Variants in PRDM15 observed in about 807,000 individuals in gnomAD.
The protein encoded by PRDM15 is PR/SET domain 15, also known as PR domain zinc finger protein 15.
A neutral mutation model predicts 128.6 loss-of-function variants in PRDM15; 64 were observed. The ratio of observed to expected loss-of-function variants is 0.50; its 90% CI spans 0.41 to 0.61. The LOEUF (loss-of-function observed/expected upper bound fraction) is 0.61, where lower values mean the gene tolerates loss of function less well. Ranked by LOEUF, PRDM15 falls within the 20% of genes least tolerant of loss-of-function variation. The pLI, the probability that PRDM15 is intolerant of heterozygous loss-of-function variation, is 0.00. For missense variants in PRDM15, 1,242 were observed against 1,569.1 expected (o/e 0.79, Z 3.52); for synonymous variants, 615 against 621.8 (o/e 0.99, Z 0.16).
chr21:41,807,438 G>T (rs1030739860), intron 21 of PRDM15, among the ~76,000 whole-genome samples: 26 of 152,120 alleles, frequency 1.7e-4, no homozygotes, highest in African/African-American at 6.3e-4. Context: ...ATCACCAACG[G>T]GGACAGGCTC....
At chr21:41,877,716 T>C (rs933868702) in intron 1 of PRDM15, 1 of 152,252 alleles carries the variant, frequency 6.6e-6, no homozygotes, top group African/African-American at 2.4e-5. Context: ...TAAGACAAGC[T>C]AGCAGCCTTC....
intron 5 of PRDM15, among the ~76,000 whole-genome samples, chr21:41,853,443 T>A (rs2063488207): frequency 6.6e-6 from 1 of 152,198 alleles, no homozygotes; most frequent in African/African-American, 2.4e-5. Flanking sequence ...GCAAAGAATC[T>A]TCATGGCAAC....
chr21:41,866,284 T>G (rs1229502071), intron 1 of PRDM15, among the ~76,000 whole-genome samples: 2 of 152,258 alleles, frequency 1.3e-5, no homozygotes, highest in African/African-American at 4.8e-5. Context: ...CACTAAGATC[T>G]GGAGGAGAAA....
In PRDM15 at chr21:41,861,981, C is replaced by T. The variant is rs201042650; in HGVS notation, c.-9-1609G>A. 221 of 1,613,352 alleles carry T rather than the reference C, an allele frequency of 1.4e-4. No individual in the cohort carries two copies. Among genetic ancestry groups the T allele is most frequent in the East Asian group, 8.7e-4 (39 of 44,892 alleles). ...AGCAAGTGTGACTCAGTTTCATAGC[C>T]GCATTCGGCCTTGCCTGCCCCAGTT... On this transcript the variant is annotated intron_variant, in intron 1 of 23. Transcript: ENST00000398548.
chr21:41,858,663 G>A (rs1017504457), intron 3 of PRDM15, among the ~76,000 whole-genome samples: 2 of 152,364 alleles, frequency 1.3e-5, no homozygotes, highest in East Asian at 3.9e-4. Context: ...AGGCCGCTGA[G>A]ACAAGGAGCC....
In PRDM15 at chr21:41,879,158, C is replaced by CG; in HGVS notation, c.-10+111dup. On this transcript the variant is annotated intron_variant, in intron 1 of 23. Coordinates refer to ENST00000398548, the MANE Select transcript of PRDM15 (RefSeq NM_001040424.3). This position sits in a 1 kb window ranked among gnomAD's most constrained non-coding sequence, Gnocchi z 5.1. The stretch of plus-strand genomic sequence containing the variant: ...GCGCGCGGCTGCCGGGCGCGGGGGG[C>CG]GGGGGGCAGCGGGCCCAGGGCGCGC... 1 of 782,688 alleles carries CG rather than the reference C, an allele frequency of 1.3e-6. No homozygotes were observed. Among genetic ancestry groups the CG allele is most frequent in the Non-Finnish European group, 1.5e-6 (1 of 654,588 alleles). The allele number at this position is 782,688 out of a possible 1,614,324, so 48.5% of individuals were successfully genotyped here. A position where few individuals can be genotyped will look rare whatever the true frequency, so the allele number is the denominator to read the frequency against.
In PRDM15 at chr21:41,815,698, G is replaced by A; in HGVS notation, c.2392+7C>T. 1 of 1,612,726 alleles carries A rather than the reference G, an allele frequency of 6.2e-7. No homozygotes were observed. On this transcript the variant is annotated splice_region_variant and intron_variant, in intron 19 of 23. Transcript: ENST00000398548. ...CGTGGCTGGCGCGGCCCGGGCCTCGGACTCACCCGTGTGCCGCTTGCAGTG... is the reference window on the plus strand; with the variant it reads ...CGTGGCTGGCGCGGCCCGGGCCTCGAACTCACCCGTGTGCCGCTTGCAGTG...
Position 41,806,706 on chromosome 21 carries a change from T to C in PRDM15, c.2653-2092A>G, listed in dbSNP as rs1384346460. Among the ~76,000 whole-genome samples, 24 of 38,592 alleles carry C rather than the reference T, an allele frequency of 6.2e-4. 1 individual carries two copies. The highest frequency in any genetic ancestry group is 2.5e-3 in the African/African-American group (20 of 8,160). The allele number at this position is 38,592 out of a possible 152,430, so 25.3% of individuals were successfully genotyped here. A position where few individuals can be genotyped will look rare whatever the true frequency, so the allele number is the denominator to read the frequency against. On this transcript the variant is annotated intron_variant, in intron 21 of 23. Coordinates refer to ENST00000398548, the MANE Select transcript of PRDM15 (RefSeq NM_001040424.3). ...CACCATCACCACCACCACCCATCAC[T>C]ACCACCAACATCACCACCATCACCA...
chr21:41,867,501 AG>A, intron 1 of PRDM15: 1 of 712,064 alleles, frequency 1.4e-6, no homozygotes, highest in Non-Finnish European at 2.3e-6. Context: ...GGTTTTTCAC[AG>A]GCGTGAACAT....
chr21:41,823,205 G>T, intron 14 of PRDM15, 113 bp downstream of exon 14: 2 of 1,351,060 alleles, frequency 1.5e-6, no homozygotes, highest in Non-Finnish European at 2.0e-6. Context: ...AGCAGCACAT[G>T]TCTGCCCAGA....
At position 41,798,955 on chromosome 21, in the gene PRDM15, G is replaced by C. The variant is rs1315629841; in HGVS notation, c.*2285C>G. The C allele has an allele frequency of 6.6e-6, 1 of 152,140 alleles. No homozygotes were observed. The allele number at this position is 152,140 out of a possible 1,614,324, so 9.4% of individuals were successfully genotyped here. A position where few individuals can be genotyped will look rare whatever the true frequency, so the allele number is the denominator to read the frequency against. ...GACCACGTATGTTTACAGAAAACTT[G>C]GGAGTTTGATTTTTCTTTAGAGTTC... On this transcript the variant is annotated 3_prime_UTR_variant, in exon 24 of 24. Coordinates refer to ENST00000398548, the MANE Select transcript of PRDM15 (RefSeq NM_001040424.3).
chr21:41,801,392 C>G lies in PRDM15; in HGVS notation c.3274G>C (p.Gly1092Arg), dbSNP rs767941572. Residue 1092 changes from glycine to arginine, a missense_variant, in exon 24 of 24, where the codon GGG becomes CGG. Transcript: ENST00000398548. ...GGGTGCTGGTCACTAAGCTGGCTCC[C>G]CAGGGGCGTGATGGAGTTGACCAGG... ...TTLVNSITPL[G>R]SQLSDQHPLT... 1 of 1,613,296 alleles carries G rather than the reference C, an allele frequency of 6.2e-7. No individual in the cohort carries two copies. Among genetic ancestry groups the G allele is most frequent in the African/African-American group, 1.3e-5 (1 of 74,898 alleles).
chr21:41,821,279 G>A lies in PRDM15; in HGVS notation c.1897-49C>T, dbSNP rs1363389037. 4.4e-6 allele frequency: 7 copies of A among 1,608,546 alleles called. No individual in the cohort carries two copies. The highest frequency in any genetic ancestry group is 5.9e-6 in the Non-Finnish European group (7 of 1,177,264). ...CTGCTGACACCCGCATGAGGTCCCT[G>A]GTCCTCTTAGCTAATGAGGTCGTGT... On this transcript the variant is annotated intron_variant, in intron 15 of 23. Transcript: ENST00000398548. This position sits in a 1 kb window ranked among gnomAD's most constrained non-coding sequence, Gnocchi z 5.4.
intron 6 of PRDM15, among the ~76,000 whole-genome samples, chr21:41,842,780 C>T (rs1219934057): frequency 2.1e-5 from 3 of 142,992 alleles, no homozygotes; most frequent in Non-Finnish European, 3.0e-5. Flanking sequence ...TGAGCCACTA[C>T]GCCTGGCCTT....
intron 1 of PRDM15, among the ~76,000 whole-genome samples, chr21:41,874,163 A>G (rs1425919609): frequency 6.6e-6 from 1 of 151,850 alleles, no homozygotes; most frequent in Non-Finnish European, 1.5e-5. Flanking sequence ...CTTAATTTAA[A>G]AAAAAAAGGG....
At chr21:41,874,640 A>G (rs2064346125) in intron 1 of PRDM15, 1 of 151,496 alleles carries the variant, frequency 6.6e-6, no homozygotes, top group Non-Finnish European at 1.5e-5. Flanking sequence ...TTAAAAGTCC[A>G]ACCGCATTTG....
At chr21:41,873,838 A>C (rs2064300895) in intron 1 of PRDM15, among the ~76,000 whole-genome samples, 1 of 152,014 alleles carries the variant, frequency 6.6e-6, no homozygotes, top group Admixed American at 6.6e-5. Flanking sequence ...GAAGCCCAGG[A>C]ATTTTGAGAC....
chr21:41,842,636 G>A (rs141534240), intron 6 of PRDM15, among the ~76,000 whole-genome samples: 1,599 of 151,860 alleles, frequency 0.011, 21 homozygotes, highest in African/African-American at 0.036. Context: ...GACTACAAGC[G>A]TGCACCACCG....
At chr21:41,877,565 A>G (rs1386176624) in intron 1 of PRDM15, 2 of 152,348 alleles carry the variant, frequency 1.3e-5, no homozygotes, top group South Asian at 2.1e-4. Context: ...CGGGTGGAAG[A>G]CACAGTTGCC....
Sources: allele counts gnomAD v4.1 joint callset (sites outside exome capture counted in the v4.1 genomes callset), GRCh38; gene constraint gnomAD v4.1.1; non-coding constraint Gnocchi (gnomAD v3.1); transcripts MANE v1.5; gene names NCBI Gene and HGNC (gene_info 2026-07-23, HGNC 2026-07-21).